The following UPB1 variants were observed in gnomAD, a reference collection of about 807,000 sequenced individuals.
UPB1 encodes beta-ureidopropionase 1.
Under a neutral mutation model 49.1 loss-of-function variants are expected in UPB1, and 40 were observed. That is an observed-to-expected ratio of 0.81 (90% CI 0.63 to 1.06). UPB1 has a LOEUF of 1.06. Ranked by LOEUF, UPB1 falls within the 50% of genes least tolerant of loss-of-function variation. The pLI is 0.00. For missense variants in UPB1, 499 were observed against 505.9 expected, an observed-to-expected ratio of 0.99 and a Z score of 0.13; for synonymous variants, 207 against 198.2, an observed-to-expected ratio of 1.04 and a Z score of -0.38.
At chr22:24,521,945 T>C in intron 7 of UPB1, 41 bp from the exon 8 acceptor site, 1 of 1,609,780 alleles carries the variant, frequency 6.2e-7, no homozygotes, top group South Asian at 1.1e-5. Context: ...GTAGTGGTAG[T>C]GCCACCTATA....
intron 8 of UPB1, 57 bp downstream of exon 8, chr22:24,522,085 C>T (rs2044405131): frequency 1.3e-6 from 2 of 1,588,984 alleles, no homozygotes; most frequent in African/African-American, 2.7e-5. Context: ...CTCTCCCCTT[C>T]TCTGTCTGCT....
intron 2 of UPB1, among the ~76,000 whole-genome samples, chr22:24,500,872 G>T (rs189275524): frequency 6.6e-5 from 10 of 152,344 alleles, no homozygotes; most frequent in Non-Finnish European, 1.5e-4. Context: ...TCCTCCAGCT[G>T]CTCAAACTTT....
chr22:24,497,881 C>T (rs1045191147), intron 1 of UPB1, among the ~76,000 whole-genome samples: 18 of 152,288 alleles, frequency 1.2e-4, no homozygotes, highest in African/African-American at 4.3e-4. Context: ...AGCTGGACAG[C>T]CCTTTGGGAA....
At chr22:24,518,863 G>A (rs2044340750) in intron 6 of UPB1, among the ~76,000 whole-genome samples, 1 of 152,094 alleles carries the variant, frequency 6.6e-6, no homozygotes, top group South Asian at 2.1e-4. Context: ...ATTATTTTTA[G>A]GGGTGTGTGT....
At chr22:24,495,846 T>A (rs1402913238) in intron 1 of UPB1, among the ~76,000 whole-genome samples, 1 of 152,098 alleles carries the variant, frequency 6.6e-6, no homozygotes, top group Non-Finnish European at 1.5e-5. Flanking sequence ...TGGATCACTG[T>A]CTCCAACCAG....
At chr22:24,503,209 C>T (rs1013986276) in intron 3 of UPB1, 1 of 152,360 alleles carries the variant, frequency 6.6e-6, no homozygotes, top group African/African-American at 2.4e-5. Flanking sequence ...CCTAAATCTC[C>T]CTTAATGTGT....
At chr22:24,515,802 C>T (rs1225371863) in intron 6 of UPB1, among the ~76,000 whole-genome samples, 1 of 152,096 alleles carries the variant, frequency 6.6e-6, no homozygotes, top group Non-Finnish European at 1.5e-5. Context: ...GTGGTGAAAC[C>T]CTGTCTCTAC....
At chr22:24,523,464 T>C (rs1273484379) in intron 8 of UPB1, among the ~76,000 whole-genome samples, 155 bp from the exon 9 acceptor site, 2 of 152,226 alleles carry the variant, frequency 1.3e-5, no homozygotes, top group Admixed American at 6.5e-5. Context: ...AGGCCTGAGA[T>C]GAGAGACAGG....
chr22:24,517,814 A>C (rs948712233), intron 6 of UPB1, among the ~76,000 whole-genome samples: 1 of 152,240 alleles, frequency 6.6e-6, no homozygotes, highest in Admixed American at 6.5e-5. Context: ...TAAAATGCTC[A>C]TGCCCTTTGG....
chr22:24,504,608 G>A (rs990124634), intron 3 of UPB1, among the ~76,000 whole-genome samples: 1 of 150,998 alleles, frequency 6.6e-6, no homozygotes, highest in South Asian at 2.1e-4. Context: ...TCTAGGAAAT[G>A]TTCTTGCATT....
In UPB1 at chr22:24,515,273, A is replaced by G; in HGVS notation, c.694A>G (p.Ile232Val). The G allele has an allele frequency of 6.2e-7, 1 of 1,614,154 alleles. No homozygotes were observed. The highest frequency in any genetic ancestry group is 8.5e-7 in the Non-Finnish European group (1 of 1,180,028). The change falls in exon 6 of 10, where the codon ATT becomes GTT. Residue 232 changes from isoleucine to valine, a missense_variant. Transcript: ENST00000326010. Reference protein sequence around the residue: ...QTQFGRIAVNICYGRHHPLNW... With the variant: ...QTQFGRIAVNVCYGRHHPLNW... Reference sequence around the variant, plus strand: ...GCAGTTCGGAAGGATCGCGGTGAACATTTGCTACGGGCGGCACCACCCCCT... The same window carrying G: ...GCAGTTCGGAAGGATCGCGGTGAACGTTTGCTACGGGCGGCACCACCCCCT...
At chr22:24,518,970 C>G (rs777645919) in intron 6 of UPB1, among the ~76,000 whole-genome samples, 1 of 152,190 alleles carries the variant, frequency 6.6e-6, no homozygotes, top group Non-Finnish European at 1.5e-5. Context: ...TTCCTTTCCC[C>G]TGGTGGTTTT....
chr22:24,507,275 T>G (rs965902028), intron 3 of UPB1, among the ~76,000 whole-genome samples: 30 of 152,196 alleles, frequency 2.0e-4, no homozygotes, highest in African/African-American at 7.2e-4. Context: ...AAATAATTCA[T>G]CTCTCTTCAC....
At position 24,495,632 on chromosome 22, in the gene UPB1, C is replaced by T. The variant is rs1408695248; in HGVS notation, c.104+125C>T. On this transcript the variant is annotated intron_variant, in intron 1 of 9. Transcript: ENST00000326010. ...GAGGCGGTGAGAAGTCCTGAGTTGG[C>T]GGGCAGAGACCATAGTAGGTCTTGA... 9.9e-6 allele frequency: 10 copies of T among 1,015,208 alleles called. No homozygotes were observed. The East Asian group carries it at 1.5e-4, about 16-fold the overall frequency. The allele number at this position is 1,015,208 out of a possible 1,614,324, so 62.9% of individuals were successfully genotyped here. A position where few individuals can be genotyped will look rare whatever the true frequency, so the allele number is the denominator to read the frequency against.
At chr22:24,517,202 A>G (rs566807748) in intron 6 of UPB1, among the ~76,000 whole-genome samples, 11 of 152,244 alleles carry the variant, frequency 7.2e-5, no homozygotes, top group Admixed American at 2.0e-4. Context: ...CACCCTGCCC[A>G]TGTACCTGGA....
intron 5 of UPB1, among the ~76,000 whole-genome samples, 183 bp downstream of exon 5, chr22:24,513,668 C>T (rs2044245884): frequency 6.6e-6 from 1 of 152,196 alleles, no homozygotes. Flanking sequence ...CTATATCACA[C>T]AGGCAGACAG....
At chr22:24,500,986 A>C (rs1006110255) in intron 2 of UPB1, among the ~76,000 whole-genome samples, 15 of 152,178 alleles carry the variant, frequency 9.9e-5, no homozygotes, top group Admixed American at 6.5e-5. Context: ...TTGGTTCTGC[A>C]TCATCATTCA....
chr22:24,496,372 A>AACAC (rs60159909), intron 1 of UPB1, among the ~76,000 whole-genome samples: 3,529 of 141,540 alleles, frequency 0.025, 55 homozygotes, highest in African/African-American at 0.06. Context: ...CCCTGTCTCA[A>AACAC]ACACACACAC....
chr22:24,525,130 T>TTA (rs1274257085), intron 9 of UPB1, among the ~76,000 whole-genome samples: 2 of 152,214 alleles, frequency 1.3e-5, no homozygotes, highest in Non-Finnish European at 2.9e-5. Context: ...TAGACACTTC[T>TTA]TAGAAGCAGA....
Sources: allele counts gnomAD v4.1 joint callset (sites outside exome capture counted in the v4.1 genomes callset), GRCh38; gene constraint gnomAD v4.1.1; transcripts MANE v1.5; gene names NCBI Gene and HGNC (gene_info 2026-07-23, HGNC 2026-07-21).